DNM3: variants seen among roughly 807,000 people sequenced by gnomAD.
DNM3 encodes the protein dynamin 3, also known as dynamin-3.
A neutral mutation model predicts 101.6 loss-of-function variants in DNM3; 47 were observed. The ratio of observed to expected loss-of-function variants is 0.46; its 90% CI spans 0.37 to 0.59. The LOEUF is 0.59. Ranked by LOEUF, DNM3 falls within the 20% of genes least tolerant of loss-of-function variation. The pLI, the probability that DNM3 is intolerant of heterozygous loss-of-function variation, is 0.00. For missense variants in DNM3, 849 were observed against 1,085.7 expected (o/e 0.78, Z 3.06); for synonymous variants, 385 against 387.9 (o/e 0.99, Z 0.09).
chr1:172,236,052 C>A (rs1251922995), intron 14 of DNM3, among the ~76,000 whole-genome samples: 1 of 152,124 alleles, frequency 6.6e-6, no homozygotes, highest in Non-Finnish European at 1.5e-5. Context: ...TATGCCAAAT[C>A]CAAATTTAGC....
chr1:171,947,487 T>A (rs2042242561), intron 2 of DNM3, among the ~76,000 whole-genome samples: 1 of 152,018 alleles, frequency 6.6e-6, no homozygotes, highest in Non-Finnish European at 1.5e-5. Context: ...AATTTCATCA[T>A]AACAGCCTGA....
At chr1:172,372,667 G>C (rs957247719) in intron 17 of DNM3, among the ~76,000 whole-genome samples, 5 of 135,140 alleles carry the variant, frequency 3.7e-5, no homozygotes, top group Non-Finnish European at 6.3e-5. Flanking sequence ...ATGAAATCTT[G>C]TAATTAATTT....
chr1:171,966,133 C>T (rs887999471), intron 2 of DNM3, among the ~76,000 whole-genome samples: 1 of 152,216 alleles, frequency 6.6e-6, no homozygotes, highest in African/African-American at 2.4e-5. Flanking sequence ...TCCCAGGTGG[C>T]CCTCCCAAAC....
chr1:171,872,421 A>T (rs1485585114), intron 1 of DNM3, among the ~76,000 whole-genome samples: 3 of 152,124 alleles, frequency 2.0e-5, no homozygotes, highest in Non-Finnish European at 4.4e-5. Flanking sequence ...GAGGATAGAA[A>T]CTGTGCCATA....
At chr1:172,260,141 TATC>T (rs1379106277) in intron 15 of DNM3, among the ~76,000 whole-genome samples, 1 of 152,168 alleles carries the variant, frequency 6.6e-6, no homozygotes, top group Non-Finnish European at 1.5e-5. Flanking sequence ...ACTGTGAAGA[TATC>T]ATCCCATTCT....
At chr1:171,983,233 T>C (rs1488533847) in intron 2 of DNM3, among the ~76,000 whole-genome samples, 1 of 151,878 alleles carries the variant, frequency 6.6e-6, no homozygotes, top group Non-Finnish European at 1.5e-5. Context: ...GGTGGGAACA[T>C]CACTTGAGGC....
At chr1:172,314,137 A>G (rs1046791660) in intron 16 of DNM3, among the ~76,000 whole-genome samples, 2 of 152,200 alleles carry the variant, frequency 1.3e-5, no homozygotes, top group African/African-American at 4.8e-5. Context: ...AAATAATTCT[A>G]CAATAAAGAC....
At chr1:172,165,685 G>A (rs927712191) in intron 14 of DNM3, among the ~76,000 whole-genome samples, 2 of 151,940 alleles carry the variant, frequency 1.3e-5, no homozygotes, top group Non-Finnish European at 2.9e-5. Flanking sequence ...AAGTCTTCCC[G>A]GATCACCTCC....
chr1:172,168,066 GTTATGCTATT>G (rs1315462866), intron 14 of DNM3, among the ~76,000 whole-genome samples: 1 of 151,984 alleles, frequency 6.6e-6, no homozygotes, highest in Non-Finnish European at 1.5e-5. Context: ...ATTCATGGAT[GTTATGCTATT>G]TTCCTCAACA....
chr1:172,276,168 C>T (rs1378270499), intron 15 of DNM3, among the ~76,000 whole-genome samples: 1 of 152,046 alleles, frequency 6.6e-6, no homozygotes, highest in Non-Finnish European at 1.5e-5. Flanking sequence ...AATTTATCAT[C>T]ACTCTTGAGA....
intron 1 of DNM3, among the ~76,000 whole-genome samples, chr1:171,868,874 C>T (rs535960607): frequency 7.2e-5 from 11 of 152,164 alleles, no homozygotes; most frequent in South Asian, 2.1e-4. Context: ...ACATCTGCCT[C>T]CCGGGTTCAA....
intron 11 of DNM3, among the ~76,000 whole-genome samples, chr1:172,074,666 A>G (rs1156477260): frequency 6.6e-6 from 1 of 152,180 alleles, no homozygotes; most frequent in African/African-American, 2.4e-5. Flanking sequence ...TTATGGCTAC[A>G]TAGTATTCCA....
intron 14 of DNM3, among the ~76,000 whole-genome samples, chr1:172,208,850 T>C (rs1271204782): frequency 6.6e-6 from 1 of 152,100 alleles, no homozygotes; most frequent in Non-Finnish European, 1.5e-5. Context: ...CGTTTGTGCA[T>C]GATCAACTAT....
At chr1:172,092,934 C>G in intron 13 of DNM3, 59 bp downstream of exon 13, 2 of 1,419,008 alleles carry the variant, frequency 1.4e-6, no homozygotes, top group Non-Finnish European at 1.9e-6. Flanking sequence ...AACTAAATCG[C>G]TTGATTGACT....
intron 10 of DNM3, 53 bp from the exon 11 acceptor site, chr1:172,068,766 T>C: frequency 7.1e-7 from 1 of 1,415,410 alleles, no homozygotes; most frequent in Non-Finnish European, 9.8e-7. Flanking sequence ...CTGCTTCTTT[T>C]TTGGTAGTGT....
intron 1 of DNM3, among the ~76,000 whole-genome samples, chr1:171,882,121 C>T (rs544386969): frequency 1.3e-5 from 2 of 151,852 alleles, no homozygotes; most frequent in African/African-American, 2.4e-5. Flanking sequence ...CCGAGGTGGG[C>T]GGATCACCTG....
intron 17 of DNM3, among the ~76,000 whole-genome samples, chr1:172,354,702 T>G (rs2067363764): frequency 6.6e-6 from 1 of 152,072 alleles, no homozygotes; most frequent in African/African-American, 2.4e-5. Context: ...GATGAGAAAT[T>G]CCTGGGTAAG....
intron 15 of DNM3, among the ~76,000 whole-genome samples, chr1:172,266,060 A>T (rs1423715198): frequency 6.6e-6 from 1 of 152,192 alleles, no homozygotes. Context: ...CTGACACTCA[A>T]TAAATGTCAA....
At chr1:172,316,580 G>T (rs2065371290) in intron 16 of DNM3, among the ~76,000 whole-genome samples, 1 of 152,112 alleles carries the variant, frequency 6.6e-6, no homozygotes, top group East Asian at 1.9e-4. Context: ...AAAGGCAGGG[G>T]TTGCAATCCT....
Sources: allele counts gnomAD v4.1 joint callset (sites outside exome capture counted in the v4.1 genomes callset), GRCh38; gene constraint gnomAD v4.1.1; transcripts MANE v1.5; gene names NCBI Gene and HGNC (gene_info 2026-07-23, HGNC 2026-07-21).